The following PIK3C2G variants were observed in gnomAD, a reference collection of about 807,000 sequenced individuals.
PIK3C2G encodes the protein phosphatidylinositol-4-phosphate 3-kinase catalytic subunit type 2 gamma.
Under a neutral mutation model 181.1 loss-of-function variants are expected in PIK3C2G, and 168 were observed. That is an observed-to-expected ratio of 0.93 (90% CI 0.82 to 1.05). The LOEUF (loss-of-function observed/expected upper bound fraction) is 1.05, where lower values mean the gene tolerates loss of function less well. PIK3C2G is among the 50% of genes least tolerant of loss of function. The probability of loss-of-function intolerance (pLI) is 0.00; values close to 1 mark genes in which losing one functional copy is unlikely to be tolerated. For missense variants in PIK3C2G, 1,869 were observed against 1,732.8 expected (o/e 1.08, Z -1.40); for synonymous variants, 573 against 592.2 (o/e 0.97, Z 0.47).
At chr12:18,673,097 T>C in the PIK3C2G span, among the ~76,000 whole-genome samples, 486 of 152,240 alleles carry the variant, frequency 3.2e-3, 4 homozygotes, top group African/African-American at 0.011. Flanking sequence ...AGCAGAAAAG[T>C]TCTAAAAATT....
intron 7 of PIK3C2G, 56 bp from the exon 8 acceptor site, chr12:18,324,979 G>T (rs1951271351): frequency 1.2e-6 from 1 of 810,300 alleles, no homozygotes. Context: ...TGTGCTAAAG[G>T]TAATATAAGT....
At chr12:18,680,170 A>T in the PIK3C2G span, among the ~76,000 whole-genome samples, 6 of 152,056 alleles carry the variant, frequency 3.9e-5, no homozygotes, top group African/African-American at 1.4e-4. Flanking sequence ...AATCCAGTCC[A>T]TATAGTCCCC....
At chr12:18,332,051 G>A (rs1938030737) in intron 8 of PIK3C2G, among the ~76,000 whole-genome samples, 1 of 151,950 alleles carries the variant, frequency 6.6e-6, no homozygotes, top group African/African-American at 2.4e-5. Flanking sequence ...ATTTTGTTAA[G>A]GATATTTGCA....
intron 12 of PIK3C2G, among the ~76,000 whole-genome samples, chr12:18,370,086 G>A (rs924772047): frequency 6.6e-6 from 1 of 151,994 alleles, no homozygotes; most frequent in African/African-American, 2.4e-5. Context: ...GATCATATAT[G>A]AGAACCTGAT....
intron 18 of PIK3C2G, among the ~76,000 whole-genome samples, chr12:18,451,809 C>T (rs1947378606): frequency 6.6e-6 from 1 of 152,202 alleles, no homozygotes; most frequent in African/African-American, 2.4e-5. Context: ...AAGGCCTTTT[C>T]TGCACCTATT....
chr12:18,275,285 C>G (rs117239321), intron 1 of PIK3C2G, among the ~76,000 whole-genome samples: 34 of 152,304 alleles, frequency 2.2e-4, no homozygotes, highest in Non-Finnish European at 4.6e-4. Context: ...TGACTCATGA[C>G]CTAGTACTTT....
At chr12:18,531,716 G>A (rs1315732557) in intron 24 of PIK3C2G, among the ~76,000 whole-genome samples, 2 of 152,062 alleles carry the variant, frequency 1.3e-5, no homozygotes, top group African/African-American at 2.4e-5. Flanking sequence ...TCAAAATTAT[G>A]TTATTTTATT....
intron 8 of PIK3C2G, among the ~76,000 whole-genome samples, chr12:18,331,524 T>A (rs1045816207): frequency 6.6e-6 from 1 of 152,106 alleles, no homozygotes; most frequent in Admixed American, 6.6e-5. Flanking sequence ...TACTATGTCT[T>A]CTTGAAATCA....
In PIK3C2G at chr12:18,399,693, T is replaced by G. The variant is rs1227187256; in HGVS notation, c.2161T>G (p.Tyr721Asp). ...SEEKKRYLWF[Y>D]RFYCNNENCS... ...AGAAAAGAAAAGATATTTATGGTTT[T>G]ATCGCTTCTACTGCAATAATGAAAA... Residue 721 changes from tyrosine (Y) to aspartate (D), a missense_variant, in exon 16 of 33, where the codon TAT becomes GAT. Coordinates refer to ENST00000538779, the MANE Select transcript of PIK3C2G (RefSeq NM_001288772.2). 6.3e-7 allele frequency: 1 copy of G among 1,590,024 alleles called. No individual in the cohort carries two copies. The highest frequency in any genetic ancestry group is 8.6e-7 in the Non-Finnish European group (1 of 1,164,230).
chr12:18,620,754 A>G (rs149336178), intron 31 of PIK3C2G, among the ~76,000 whole-genome samples: 7 of 152,188 alleles, frequency 4.6e-5, no homozygotes, highest in Admixed American at 3.9e-4. Context: ...TCTATCTTCA[A>G]TCTATCCTTT....
intron 13 of PIK3C2G, chr12:18,372,471 C>T (rs1942136277): frequency 2.0e-5 from 3 of 152,118 alleles, no homozygotes; most frequent in African/African-American, 7.2e-5. Context: ...AAAGCAATAC[C>T]TACTGCTGTT....
intron 18 of PIK3C2G, among the ~76,000 whole-genome samples, chr12:18,455,713 C>G (rs1028123038): frequency 4.6e-5 from 7 of 152,074 alleles, no homozygotes; most frequent in African/African-American, 1.7e-4. Flanking sequence ...CAAAGGGATA[C>G]AGAAGCTCTC....
intron 6 of PIK3C2G, among the ~76,000 whole-genome samples, chr12:18,315,972 C>A (rs4609650): frequency 0.42 from 63,189 of 151,010 alleles, 13,336 homozygotes; most frequent in East Asian, 0.57. Context: ...GGGGCATGAT[C>A]GGTGATTAAT....
Position 18,421,370 on chromosome 12 carries a change from G to T in PIK3C2G, c.2409+336G>T, listed in dbSNP as rs967421707. Among the ~76,000 whole-genome samples, 13 of 151,972 alleles carry T rather than the reference G, an allele frequency of 8.6e-5. No homozygotes were observed. The South Asian group carries it at 2.5e-3, about 29-fold the overall frequency. Reference sequence around the variant, plus strand: ...AATGTTATGTAGAAAATAATCATTTGCTAGGCAGGTTTTCATAATTTATGA... The same window carrying T: ...AATGTTATGTAGAAAATAATCATTTTCTAGGCAGGTTTTCATAATTTATGA... On this transcript the variant is annotated intron_variant, in intron 17 of 32. Transcript: ENST00000538779.
chr12:18,381,435 T>C (rs1942827086), intron 13 of PIK3C2G, among the ~76,000 whole-genome samples: 1 of 152,118 alleles, frequency 6.6e-6, no homozygotes. Context: ...TCCAATAATA[T>C]AAATCTGAAA....
At chr12:18,516,036 C>G (rs1942515309) in intron 24 of PIK3C2G, among the ~76,000 whole-genome samples, 1 of 151,964 alleles carries the variant, frequency 6.6e-6, no homozygotes, top group Non-Finnish European at 1.5e-5. Flanking sequence ...GTTATTCTGA[C>G]TTTGTCTGTG....
intron 11 of PIK3C2G, among the ~76,000 whole-genome samples, chr12:18,349,842 C>A (rs760550558): frequency 3.3e-4 from 50 of 152,262 alleles, no homozygotes; most frequent in Non-Finnish European, 6.3e-4. Context: ...TTTTTAAAAA[C>A]CTCTAGTACC....
At chr12:18,479,354 A>T (rs2136012609) in intron 18 of PIK3C2G, among the ~76,000 whole-genome samples, 1 of 152,236 alleles carries the variant, frequency 6.6e-6, no homozygotes, top group South Asian at 2.1e-4. Context: ...AGACATCAGG[A>T]GGTGGCACAG....
At chr12:18,543,323 T>C (rs1427278851) in intron 25 of PIK3C2G, among the ~76,000 whole-genome samples, 2 of 152,090 alleles carry the variant, frequency 1.3e-5, no homozygotes, top group African/African-American at 2.4e-5. Flanking sequence ...GCAAATATTT[T>C]ATCTCGTTCT....
Sources: allele counts gnomAD v4.1 joint callset (sites outside exome capture counted in the v4.1 genomes callset), GRCh38; gene constraint gnomAD v4.1.1; transcripts MANE v1.5; gene names NCBI Gene and HGNC (gene_info 2026-07-23, HGNC 2026-07-21).